TBX4: variants seen among roughly 807,000 people sequenced by gnomAD.
TBX4 encodes T-box transcription factor 4, also known as T-box transcription factor TBX4.
TBX4 carries 13 observed loss-of-function variants against 54.6 expected under a neutral mutation model. The observed-to-expected ratio is 0.24, with a 90% CI of 0.15 to 0.38. The LOEUF (loss-of-function observed/expected upper bound fraction) is 0.38, where lower values mean the gene tolerates loss of function less well. Ranked by LOEUF, TBX4 falls within the 10% of genes least tolerant of loss-of-function variation. The pLI, the probability that TBX4 is intolerant of heterozygous loss-of-function variation, is 1.00. For missense variants in TBX4, 631 were observed against 728.5 expected, an observed-to-expected ratio of 0.87 and a Z score of 1.54; for synonymous variants, 314 against 306.7, an observed-to-expected ratio of 1.02 and a Z score of -0.25.
At chr17:61,482,666 G>A (rs1286326972) in intron 8 of TBX4, among the ~76,000 whole-genome samples, 2 of 152,170 alleles carry the variant, frequency 1.3e-5, no homozygotes, top group South Asian at 2.1e-4. Context: ...CTCAGTGTCC[G>A]GTGATGTGGT....
Position 61,480,038 on chromosome 17 carries a change from A to T in TBX4, c.792-52A>T, listed in dbSNP as rs2060652216. ...AGGCACGTGGCCTCTGTGACCCTCG[A>T]TGTATCTTCACTCTCTTCCTGTCTC... On this transcript the variant is annotated intron_variant, in intron 7 of 8. Transcript: ENST00000644296. This position sits in a 1 kb window ranked among gnomAD's most constrained non-coding sequence, Gnocchi z 6.2. 9 of 1,611,774 alleles carry T rather than the reference A, an allele frequency of 5.6e-6. No individual in the cohort carries two copies. The highest frequency in any genetic ancestry group is 3.3e-4 in the Middle Eastern group (2 of 6,062).
Position 61,465,965 on chromosome 17 carries a change from A to T in TBX4, c.401+27A>T. On this transcript the variant is annotated intron_variant, in intron 4 of 8. Coordinates refer to ENST00000644296, the MANE Select transcript of TBX4 (RefSeq NM_001321120.2). The surrounding 1 kb of genome is among the most constrained non-coding windows in gnomAD (Gnocchi z 4.9). ...TAAGTGGACCCTGACCGCATCACCC[A>T]CGTTCCCTCAACTGCCCACTTGCCA... 6.2e-7 allele frequency: 1 copy of T among 1,612,986 alleles called. No homozygotes were observed.
intron 5 of TBX4, among the ~76,000 whole-genome samples, chr17:61,470,691 G>A (rs1205605376): frequency 6.6e-6 from 1 of 152,226 alleles, no homozygotes. Flanking sequence ...CCAAGGGGCT[G>A]GGGCTGGATG....
intron 5 of TBX4, among the ~76,000 whole-genome samples, 166 bp downstream of exon 5, chr17:61,467,823 A>G (rs1188732201): frequency 6.6e-6 from 1 of 152,168 alleles, no homozygotes. Flanking sequence ...GCCTGCAGAG[A>G]GCTGGACTTC....
Position 61,480,054 on chromosome 17 carries a change from T to C in TBX4, c.792-36T>C. The C allele has an allele frequency of 6.2e-7, 1 of 1,611,980 alleles. No homozygotes were observed. Among genetic ancestry groups the C allele is most frequent in the Non-Finnish European group, 8.5e-7 (1 of 1,178,128 alleles). On this transcript the variant is annotated intron_variant, in intron 7 of 8. Transcript: ENST00000644296. This position sits in a 1 kb window ranked among gnomAD's most constrained non-coding sequence, Gnocchi z 6.2. ...TGACCCTCGATGTATCTTCACTCTC[T>C]TCCTGTCTCTCCTCCTGTCCTCCCC...
chr17:61,484,973 A>AC lies in TBX4; in HGVS notation c.*1457_*1458insC, dbSNP rs2060694170. 2 of 136,962 alleles carry AC rather than the reference A, an allele frequency of 1.5e-5. No homozygotes were observed. Among genetic ancestry groups the AC allele is most frequent in the Non-Finnish European group, 3.2e-5 (2 of 62,872 alleles). The allele number at this position is 136,962 out of a possible 1,614,324, so 8.5% of individuals were successfully genotyped here. A position where few individuals can be genotyped will look rare whatever the true frequency, so the allele number is the denominator to read the frequency against. On this transcript the variant is annotated 3_prime_UTR_variant, in exon 9 of 9. Transcript: ENST00000644296. This position sits in a 1 kb window ranked among gnomAD's most constrained non-coding sequence, Gnocchi z 4.1. Reference sequence around the variant, plus strand: ...ATATATATATATATATATATATATAAACACACACACACTACAGATAAGGCT... The same window carrying AC: ...ATATATATATATATATATATATATAACACACACACACACTACAGATAAGGCT...
Position 61,481,308 on chromosome 17 carries a change from T to G in TBX4, c.1021+989T>G, listed in dbSNP as rs1444389876. 2 of 152,260 alleles carry G rather than the reference T, an allele frequency of 1.3e-5. No individual in the cohort carries two copies. Among genetic ancestry groups the G allele is most frequent in the Non-Finnish European group, 2.9e-5 (2 of 68,048 alleles). 9.4% of individuals were successfully genotyped at this position (152,260 alleles called of 1,614,324 possible). A position where few individuals can be genotyped will look rare whatever the true frequency, so the allele number is the denominator to read the frequency against. On this transcript the variant is annotated intron_variant, in intron 8 of 8. Transcript: ENST00000644296. The surrounding 1 kb of genome is among the most constrained non-coding windows in gnomAD (Gnocchi z 4.8). ...ATAAAGTTTTATTGGAACACAGCCATACCCATTTACTTACAGGTTGTCTAC... is the reference window on the plus strand; with the variant it reads ...ATAAAGTTTTATTGGAACACAGCCAGACCCATTTACTTACAGGTTGTCTAC...
rs914887714 is a variant in TBX4, at chr17:61,474,219, C to T, written c.550-4408C>T. 6.6e-6 allele frequency among the ~76,000 whole-genome samples: 1 copy of T among 152,166 alleles called. No individual in the cohort carries two copies. The highest frequency in any genetic ancestry group is 2.4e-5 in the African/African-American group (1 of 41,446). On this transcript the variant is annotated intron_variant, in intron 5 of 8. Coordinates refer to ENST00000644296, the MANE Select transcript of TBX4 (RefSeq NM_001321120.2). The surrounding 1 kb of genome is among the most constrained non-coding windows in gnomAD (Gnocchi z 4.6). ...TATCTGACAAAATGGACATTAGCCA[C>T]ACTTTTGAGGGGCTAGCATCCAGAT...
At position 61,476,137 on chromosome 17, in the gene TBX4, G is replaced by A. The variant is rs1028856557; in HGVS notation, c.550-2490G>A. On this transcript the variant is annotated intron_variant, in intron 5 of 8. Transcript: ENST00000644296. The surrounding 1 kb of genome is among the most constrained non-coding windows in gnomAD (Gnocchi z 6.5). ...GATAAAAGGTATAGCCCTTTCTCCT[G>A]AGGAGTTTAGAGTTTAATTGAAGGG... Among the ~76,000 whole-genome samples the A allele has an allele frequency of 2.0e-5, 3 of 152,182 alleles. No individual in the cohort carries two copies. The highest frequency in any genetic ancestry group is 2.9e-5 in the Non-Finnish European group (2 of 68,042).
rs2060588642 is a variant in TBX4 at position 61,472,624 on chromosome 17, A to G, written c.549+4967A>G. On this transcript the variant is annotated intron_variant, in intron 5 of 8. Transcript: ENST00000644296. This position sits in a 1 kb window ranked among gnomAD's most constrained non-coding sequence, Gnocchi z 4.5. ...CACACCGATGCTTTTGATTGAATTG[A>G]CCAGTCTTTTCCTTATAGATTTTGG... 6.6e-6 allele frequency among the ~76,000 whole-genome samples: 1 copy of G among 152,136 alleles called. No individual in the cohort carries two copies. Among genetic ancestry groups the G allele is most frequent in the African/African-American group, 2.4e-5 (1 of 41,420 alleles).
rs1439196278 is a variant in TBX4 at position 61,459,421 on chromosome 17, G to C, written c.281+1790G>C. ...TTTCTTGTGCCTGCTAGTGTGGAAAGAAGGTAAGAAAGAGAAAGGTTCAGA... is the reference window on the plus strand; with the variant it reads ...TTTCTTGTGCCTGCTAGTGTGGAAACAAGGTAAGAAAGAGAAAGGTTCAGA... On this transcript the variant is annotated intron_variant, in intron 3 of 8. Coordinates refer to ENST00000644296, the MANE Select transcript of TBX4 (RefSeq NM_001321120.2). This position sits in a 1 kb window ranked among gnomAD's most constrained non-coding sequence, Gnocchi z 4.8. Among the ~76,000 whole-genome samples, 2 of 152,358 alleles carry C rather than the reference G, an allele frequency of 1.3e-5. No homozygotes were observed. The highest frequency in any genetic ancestry group is 6.5e-5 in the Admixed American group (1 of 15,306).
intron 4 of TBX4, among the ~76,000 whole-genome samples, chr17:61,466,720 C>G (rs1424480332): frequency 6.6e-6 from 1 of 152,236 alleles, no homozygotes; most frequent in Non-Finnish European, 1.5e-5. Context: ...TTCTCCCTCT[C>G]TGGGCTAGAA....
chr17:61,464,767 C>T lies in TBX4; in HGVS notation c.282-1052C>T, dbSNP rs556981760. 7.2e-5 allele frequency among the ~76,000 whole-genome samples: 11 copies of T among 152,236 alleles called. No individual in the cohort carries two copies. The highest frequency in any genetic ancestry group is 2.1e-4 in the South Asian group (1 of 4,820). The stretch of plus-strand genomic sequence containing the variant: ...GCTGTGCCCAGAGCGTTTGTGTATG[C>T]GCTGTGCTGTTGTGTGTGCGTATGT... On this transcript the variant is annotated intron_variant, in intron 3 of 8. Transcript: ENST00000644296. This position sits in a 1 kb window ranked among gnomAD's most constrained non-coding sequence, Gnocchi z 5.8.
intron 1 of TBX4, 25 bp from the exon 2 acceptor site, chr17:61,456,463 G>A (rs775779053): frequency 1.5e-5 from 24 of 1,556,888 alleles, no homozygotes; most frequent in Non-Finnish European, 2.1e-5. Context: ...CTGGGCGAGT[G>A]ACTCGTTGTG....
Position 61,483,843 on chromosome 17 carries a change from G to A in TBX4, c.*327G>A, listed in dbSNP as rs58804550. The A allele has an allele frequency of 0.081, 28,702 of 353,418 alleles. 1,466 individuals are homozygous for A. The highest frequency in any genetic ancestry group is 0.11 in the South Asian group (4,230 of 37,720). 21.9% of individuals were successfully genotyped at this position (353,418 alleles called of 1,614,324 possible). A position where few individuals can be genotyped will look rare whatever the true frequency, so the allele number is the denominator to read the frequency against. On this transcript the variant is annotated 3_prime_UTR_variant, in exon 9 of 9. Transcript: ENST00000644296. This position sits in a 1 kb window ranked among gnomAD's most constrained non-coding sequence, Gnocchi z 6.6. Reference sequence around the variant, plus strand: ...GTGGAGGGTTCATATGAGTTATTGAGAGGGTTTTATAATGGTTGATTTACT... The same window carrying A: ...GTGGAGGGTTCATATGAGTTATTGAAAGGGTTTTATAATGGTTGATTTACT...
In TBX4 at chr17:61,472,032, C is replaced by T. The variant is rs376199213; in HGVS notation, c.549+4375C>T. On this transcript the variant is annotated intron_variant, in intron 5 of 8. Transcript: ENST00000644296. This position sits in a 1 kb window ranked among gnomAD's most constrained non-coding sequence, Gnocchi z 4.5. ...TGCTGGGATTGCAGGCGTGTGCCAC[C>T]GCGCCCGGCCTGCAGCTGCATAGAA... Among the ~76,000 whole-genome samples, 1 of 151,872 alleles carries T rather than the reference C, an allele frequency of 6.6e-6. No individual in the cohort carries two copies. Among genetic ancestry groups the T allele is most frequent in the East Asian group, 1.9e-4 (1 of 5,184 alleles).
chr17:61,466,166 T>C (rs2060536317), intron 4 of TBX4, among the ~76,000 whole-genome samples: 1 of 152,148 alleles, frequency 6.6e-6, no homozygotes, highest in Non-Finnish European at 1.5e-5. Flanking sequence ...GCTGCGTGTT[T>C]GGGAGTTTGG....
In TBX4 at chr17:61,465,870, C is replaced by G; in HGVS notation, c.333C>G (p.Thr111=). Residue 111 remains threonine, a synonymous_variant, in exon 4 of 9, where the codon ACC becomes ACG. Coordinates refer to ENST00000644296, the MANE Select transcript of TBX4 (RefSeq NM_001321120.2). The surrounding 1 kb of genome is among the most constrained non-coding windows in gnomAD (Gnocchi z 4.9). Reference sequence around the variant, plus strand: ...AAGTCACAGGCATGAACCCCAAGACCAAGTATATCCTGCTGATTGACATTG... The same window carrying G: ...AAGTCACAGGCATGAACCCCAAGACGAAGTATATCCTGCTGATTGACATTG... ...KVKVTGMNPK[T]KYILLIDIVP... 1 of 1,614,128 alleles carries G rather than the reference C, an allele frequency of 6.2e-7. No homozygotes were observed. Among genetic ancestry groups the G allele is most frequent in the Non-Finnish European group, 8.5e-7 (1 of 1,180,018 alleles).
chr17:61,455,262 G>T (rs565702742), intron 1 of TBX4, among the ~76,000 whole-genome samples: 4 of 152,244 alleles, frequency 2.6e-5, no homozygotes, highest in Non-Finnish European at 5.9e-5. Flanking sequence ...CAAGATGGGC[G>T]AGAGGCCTGA....
Sources: gnomAD v4.1 joint callset for allele counts (sites outside exome capture counted in the v4.1 genomes callset) on GRCh38, gnomAD v4.1.1 for gene constraint, Gnocchi (gnomAD v3.1) non-coding constraint, MANE v1.5 for transcripts, NCBI Gene and HGNC (gene_info 2026-07-23, HGNC 2026-07-21) for gene names.